Variants in MORN1 observed in about 807,000 individuals in gnomAD.
MORN1 encodes MORN repeat-containing protein 1.
MORN1 carries 67 observed loss-of-function variants against 61.9 expected under a neutral mutation model. The observed-to-expected ratio is 1.08, with a 90% CI of 0.89 to 1.33. The LOEUF (loss-of-function observed/expected upper bound fraction) is 1.33. MORN1 is among the 40% of genes most tolerant of loss of function. The probability of loss-of-function intolerance (pLI) is 0.00; values close to 1 mark genes in which losing one functional copy is unlikely to be tolerated. For missense variants in MORN1, 752 were observed against 691.2 expected (o/e 1.09, Z -0.99); for synonymous variants, 301 against 292.0 (o/e 1.03, Z -0.31).
intron 10 of MORN1, among the ~76,000 whole-genome samples, chr1:2,343,354 G>A (rs771991080): frequency 2.0e-5 from 3 of 152,194 alleles, no homozygotes; most frequent in Non-Finnish European, 4.4e-5. Context: ...TGCCAGAGCC[G>A]CTGGGCCCTG....
chr1:2,387,924 C>T (rs12746146), intron 3 of MORN1: 4,244 of 419,928 alleles, frequency 0.01, 41 homozygotes, highest in South Asian at 0.017. Flanking sequence ...ACACAGCTCC[C>T]GGCAACGAAT....
intron 13 of MORN1, 88 bp downstream of exon 13, chr1:2,324,009 C>T (rs1359255584): frequency 1.2e-5 from 18 of 1,491,034 alleles, no homozygotes; most frequent in Non-Finnish European, 1.6e-5. Flanking sequence ...GGCCGAGTTC[C>T]CCCAACCCCA....
rs530087310 is a variant in MORN1 at position 2,372,231 on chromosome 1, A to T, written c.745+250T>A. 70 of 466,456 alleles carry T rather than the reference A, an allele frequency of 1.5e-4. No homozygotes were observed. The highest frequency in any genetic ancestry group is 1.3e-3 in the African/African-American group (66 of 50,702). The allele number at this position is 466,456 out of a possible 1,614,324, so 28.9% of individuals were successfully genotyped here. A position where few individuals can be genotyped will look rare whatever the true frequency, so the allele number is the denominator to read the frequency against. On this transcript the variant is annotated intron_variant, in intron 8 of 13. Coordinates refer to ENST00000378531, the MANE Select transcript of MORN1 (RefSeq NM_024848.3). The surrounding 1 kb of genome is among the most constrained non-coding windows in gnomAD (Gnocchi z 5.4). ...GCACACCTGTGCAAGGCATACACAC[A>T]TATGCACACACATACAGGAGCACGC...
chr1:2,382,012 T>C (rs1570040942), intron 6 of MORN1, among the ~76,000 whole-genome samples: 1 of 152,162 alleles, frequency 6.6e-6, no homozygotes, highest in African/African-American at 2.4e-5. Flanking sequence ...CCCAGGGCGC[T>C]GGTGACCAGC....
rs1156815459 is a variant in MORN1 at position 2,337,906 on chromosome 1, C to T, written c.1037-1056G>A. ...GACACCATCAAAAAAACAGAAGAGA[C>T]CCAGCTCCAGGATGGATAGAAGGGT... is the stretch of plus-strand genomic sequence containing the variant. On this transcript the variant is annotated intron_variant, in intron 10 of 13. Coordinates refer to ENST00000378531, the MANE Select transcript of MORN1 (RefSeq NM_024848.3). This position sits in a 1 kb window ranked among gnomAD's most constrained non-coding sequence, Gnocchi z 5.7. Among the ~76,000 whole-genome samples the T allele has an allele frequency of 2.0e-5, 3 of 152,154 alleles. No individual in the cohort carries two copies. The highest frequency in any genetic ancestry group is 4.4e-5 in the Non-Finnish European group (3 of 68,032).
At chr1:2,390,973 T>C (rs1469055130) in intron 1 of MORN1, among the ~76,000 whole-genome samples, 2 of 152,214 alleles carry the variant, frequency 1.3e-5, no homozygotes, top group Non-Finnish European at 2.9e-5. Context: ...CTCGAACTCC[T>C]GACCTCAGGT....
Position 2,336,755 on chromosome 1 carries a change from C to A in MORN1, c.1132G>T (p.Gly378Trp). 1 of 1,599,570 alleles carries A rather than the reference C, an allele frequency of 6.3e-7. No homozygotes were observed. Among genetic ancestry groups the A allele is most frequent in the South Asian group, 1.1e-5 (1 of 88,858 alleles). ...TDVLLGPPPP[G>W]YHPFLFLDSL... ...TCCAGGAACAGGAAGGGGTGGTACCCAGGCGGGGGCGGCCCCAGGAGGACA... is the reference window on the plus strand; with the variant it reads ...TCCAGGAACAGGAAGGGGTGGTACCAAGGCGGGGGCGGCCCCAGGAGGACA... Residue 378 changes from glycine to tryptophan, a missense_variant, in exon 11 of 14, where the codon GGG becomes TGG. Transcript: ENST00000378531.
At chr1:2,346,243 G>C (rs995854543) in intron 10 of MORN1, among the ~76,000 whole-genome samples, 2 of 152,208 alleles carry the variant, frequency 1.3e-5, no homozygotes, top group African/African-American at 4.8e-5. Flanking sequence ...AAGCTTCACA[G>C]ACGCCAGGGT....
Position 2,384,992 on chromosome 1 carries a change from C to T in MORN1, c.523G>A (p.Gly175Ser), listed in dbSNP as rs147721564. The change falls in exon 6 of 14, where the codon GGC (glycine) becomes AGC (serine). Residue 175 changes from glycine to serine, a missense_variant. Gly to Ser is a moderately conservative substitution (Grantham distance 56). Coordinates refer to ENST00000378531, the MANE Select transcript of MORN1 (RefSeq NM_024848.3). ...CCCCCGGGTACCTTGTAGGTGGAGC[C>T]GTCGGCGCAGCGCAGCACCCCGTGT... is the stretch of plus-strand genomic sequence containing the variant. ...QGHGVLRCAD[G>S]STYKGQWHSD... 142 of 1,585,150 alleles carry T rather than the reference C, an allele frequency of 9.0e-5. No individual in the cohort carries two copies. Among genetic ancestry groups the T allele is most frequent in the Admixed American group, 4.4e-4 (25 of 56,738 alleles).
At chr1:2,329,665 G>T (rs1641105628) in intron 12 of MORN1, among the ~76,000 whole-genome samples, 1 of 152,192 alleles carries the variant, frequency 6.6e-6, no homozygotes, top group Admixed American at 6.5e-5. Context: ...AGGTGGCAAG[G>T]CCCAGAGAGG....
intron 12 of MORN1, among the ~76,000 whole-genome samples, chr1:2,333,477 G>C (rs547483421): frequency 6.6e-6 from 1 of 152,354 alleles, no homozygotes; most frequent in South Asian, 2.1e-4. Flanking sequence ...CCGTGCCAGG[G>C]TAGGGGCCAT....
chr1:2,336,507 C>T lies in MORN1; in HGVS notation c.1212G>A (p.Gly404=). The T allele has an allele frequency of 3.1e-6, 5 of 1,612,666 alleles. No homozygotes were observed. Among genetic ancestry groups the T allele is most frequent in the Non-Finnish European group, 4.2e-6 (5 of 1,179,798 alleles). The change falls in exon 12 of 14, where the codon GGG becomes GGA. Residue 404 remains glycine, a synonymous_variant. Transcript: ENST00000378531. ...GRSRGGLHPR[G]TPPTAQEPPG... is the part of the protein sequence containing the mutation. Reference sequence around the variant, plus strand: ...GAGGCTCCTGTGCCGTGGGTGGTGTCCCCCTGGGGTGCAGGCCGCCTCTGG... The same window carrying T: ...GAGGCTCCTGTGCCGTGGGTGGTGTTCCCCTGGGGTGCAGGCCGCCTCTGG...
chr1:2,385,737 G>A (rs1045107139), intron 5 of MORN1, 70 bp downstream of exon 5: 2 of 1,429,180 alleles, frequency 1.4e-6, no homozygotes, highest in Admixed American at 1.7e-5. Context: ...ACACCCCCAG[G>A]CCACATGGCC....
Position 2,388,355 on chromosome 1 carries a change from C to G in MORN1, c.149-18G>C. ...CCCGTGACCTGGCAGGAGAAATCGT[C>G]ACGTGAACTCAGACAGTGGTTGGGT... On this transcript the variant is annotated intron_variant, in intron 2 of 13. Transcript: ENST00000378531. 6.3e-7 allele frequency: 1 copy of G among 1,598,358 alleles called. No homozygotes were observed. Among genetic ancestry groups the G allele is most frequent in the Non-Finnish European group, 8.6e-7 (1 of 1,165,964 alleles).
At chr1:2,342,848 T>C (rs528241535) in intron 10 of MORN1, among the ~76,000 whole-genome samples, 2 of 101,334 alleles carry the variant, frequency 2.0e-5, no homozygotes, top group African/African-American at 8.3e-5. Context: ...TTATATTTTA[T>C]TTTATTTTAT....
At chr1:2,325,110 T>TTCCCTCCCTTCCTTCCCTCCC (rs1471530243) in intron 12 of MORN1, among the ~76,000 whole-genome samples, 1 of 45,928 alleles carries the variant, frequency 2.2e-5, no homozygotes, top group African/African-American at 1.4e-4. Flanking sequence ...TCCCCTTTCC[T>TTCCCTCCCTTCCTTCCCTCCC]TCCCTTCCTT....
chr1:2,371,557 T>C (rs1035310773), intron 8 of MORN1: 2 of 152,272 alleles, frequency 1.3e-5, no homozygotes, highest in African/African-American at 4.8e-5. Flanking sequence ...TGAACCTTCA[T>C]GCATTACTGG....
chr1:2,387,374 G>C (rs775369089), intron 4 of MORN1, 45 bp downstream of exon 4: 12 of 1,428,946 alleles, frequency 8.4e-6, no homozygotes, highest in Non-Finnish European at 1.2e-5. Context: ...TCCATGTCCT[G>C]AAAGCGCCCA....
intron 12 of MORN1, among the ~76,000 whole-genome samples, chr1:2,330,384 C>T (rs1042678621): frequency 6.6e-6 from 1 of 152,158 alleles, no homozygotes; most frequent in South Asian, 2.1e-4. Flanking sequence ...TTGTGGCAGA[C>T]GAGGGAGGAA....
Sources: allele counts gnomAD v4.1 joint callset (sites outside exome capture counted in the v4.1 genomes callset), GRCh38; gene constraint gnomAD v4.1.1; non-coding constraint Gnocchi (gnomAD v3.1); transcripts MANE v1.5; gene names NCBI Gene and HGNC (gene_info 2026-07-23, HGNC 2026-07-21).